The following CCDC57 variants were observed in gnomAD, a reference collection of about 807,000 sequenced individuals.
CCDC57 encodes the protein coiled-coil domain containing 57, also known as coiled-coil domain-containing protein 57.
In CCDC57, 118 loss-of-function variants were observed where a neutral mutation model predicts 118.9. The ratio of observed to expected loss-of-function variants is 0.99; its 90% CI spans 0.86 to 1.16. CCDC57 has a LOEUF of 1.16. Among genes scored for constraint, CCDC57 ranks in the 50% most tolerant of loss-of-function variants. The pLI, the probability that CCDC57 is intolerant of heterozygous loss-of-function variation, is 0.00. For synonymous variants in CCDC57, 527 were observed against 532.9 expected (o/e 0.99, Z 0.15); for missense variants, 1,300 against 1,320.7 (o/e 0.98, Z 0.24).
intron 9 of CCDC57, among the ~76,000 whole-genome samples, chr17:82,181,520 A>C (rs566319303): frequency 1.3e-5 from 2 of 152,252 alleles, no homozygotes; most frequent in Non-Finnish European, 2.9e-5. Flanking sequence ...GCTCGCCAAC[A>C]TCATATTCAC....
rs759711817 is a variant in CCDC57, at chr17:82,184,027, G to GCACACACA, written c.1053-96_1053-95insTGTGTGTG. 1,890 of 327,176 alleles carry GCACACACA rather than the reference G, an allele frequency of 5.8e-3. 12 individuals are homozygous for GCACACACA. Among genetic ancestry groups the GCACACACA allele is most frequent in the East Asian group, 0.012 (167 of 14,498 alleles). 20.3% of individuals were successfully genotyped at this position (327,176 alleles called of 1,614,324 possible). A position where few individuals can be genotyped will look rare whatever the true frequency, so the allele number is the denominator to read the frequency against. ...CCAGCAAATACACATGCGCGCGCGC[G>GCACACACA]CGCGCACACACACACACACACACAC... On this transcript the variant is annotated intron_variant, in intron 8 of 19. Transcript: ENST00000665763.
chr17:82,171,201 C>G (rs1247111433), intron 13 of CCDC57, among the ~76,000 whole-genome samples: 30 of 133,028 alleles, frequency 2.3e-4, no homozygotes, highest in African/African-American at 8.4e-4. Context: ...AAACAGGGAG[C>G]GCTGACTGCA....
intron 16 of CCDC57, among the ~76,000 whole-genome samples, chr17:82,136,538 T>C (rs2145459390): frequency 6.7e-6 from 1 of 149,144 alleles, no homozygotes; most frequent in African/African-American, 2.5e-5. Context: ...ATACTTTGTA[T>C]ACTTCATGAG....
intron 11 of CCDC57, among the ~76,000 whole-genome samples, chr17:82,177,955 C>T: frequency 6.6e-6 from 1 of 152,240 alleles, no homozygotes; most frequent in Non-Finnish European, 1.5e-5. Context: ...TTCCCTCTGC[C>T]TGTGGACCCA....
At chr17:82,127,009 C>T in intron 19 of CCDC57, 2 of 985,392 alleles carry the variant, frequency 2.0e-6, no homozygotes, top group Non-Finnish European at 2.4e-6. Flanking sequence ...TTTCCCTCCC[C>T]CCTTCTCGCT....
intron 1 of CCDC57, among the ~76,000 whole-genome samples, chr17:82,208,254 C>A (rs1256570086): frequency 4.0e-5 from 6 of 151,616 alleles, no homozygotes; most frequent in Admixed American, 6.6e-5. Context: ...ATATTTAATA[C>A]CCTTAACTTA....
At chr17:82,134,113 C>A in exon 17 of CCDC57, 1 of 1,420,040 alleles carries the variant, frequency 7.0e-7, no homozygotes. Context: ...CAAAGGTGGG[C>A]TGCGATCCAA....
Position 82,129,445 on chromosome 17 carries a change from G to A in CCDC57, c.2578-848C>T, listed in dbSNP as rs1009209324. ...ATGGCCTGCAAGGAGGCTGTGGAAC[G>A]AGCCCAGCCCTGCCCCTTCCCAGGC... is the stretch of plus-strand genomic sequence containing the variant. On this transcript the variant is annotated intron_variant, in intron 17 of 19. Transcript: ENST00000665763. 3.9e-5 allele frequency among the ~76,000 whole-genome samples: 6 copies of A among 152,208 alleles called. No individual in the cohort carries two copies. In the East Asian group the frequency reaches 7.7e-4, roughly 20 times the overall value.
At chr17:82,188,946 C>A (rs1188368768) in intron 7 of CCDC57, among the ~76,000 whole-genome samples, 2 of 152,178 alleles carry the variant, frequency 1.3e-5, no homozygotes, top group East Asian at 3.8e-4. Flanking sequence ...CACCACTTTG[C>A]CTGGCAAAAA....
Position 82,143,215 on chromosome 17 carries a change from C to G in CCDC57, c.2455+8345G>C, listed in dbSNP as rs900113596. Among the ~76,000 whole-genome samples the G allele has an allele frequency of 4.6e-5, 7 of 151,564 alleles. No individual in the cohort carries two copies. In the East Asian group the frequency reaches 1.3e-3, roughly 29 times the overall value. On this transcript the variant is annotated intron_variant, in intron 16 of 19. Coordinates refer to ENST00000665763, the Ensembl canonical transcript of CCDC57. ...TGATTACACTGACAGTACTATCCCT[C>G]AAAACCTCTGGGGCTTGGCCAAAGT...
At chr17:82,151,619 T>A in exon 16 of CCDC57, 1 of 1,550,372 alleles carries the variant, frequency 6.5e-7, no homozygotes. Flanking sequence ...CTGCTCTTTC[T>A]CCAGGCGGAG....
At chr17:82,120,206 G>A (rs1286051984) in intron 19 of CCDC57, among the ~76,000 whole-genome samples, 1 of 151,552 alleles carries the variant, frequency 6.6e-6, no homozygotes, top group Non-Finnish European at 1.5e-5. Context: ...GCCCAGGCTG[G>A]TCTTGAACTC....
chr17:82,109,590 G>T (rs912836064), intron 19 of CCDC57, among the ~76,000 whole-genome samples: 2 of 152,156 alleles, frequency 1.3e-5, no homozygotes, highest in African/African-American at 4.8e-5. Flanking sequence ...AGGCGCGGTG[G>T]CTCACACCTG....
chr17:82,148,337 A>G (rs1368693932), intron 16 of CCDC57, among the ~76,000 whole-genome samples: 3 of 39,364 alleles, frequency 7.6e-5, no homozygotes, highest in Non-Finnish European at 8.7e-5. Flanking sequence ...GGATGGATGG[A>G]TGGATGGATA....
At chr17:82,151,161 G>A (rs1172226924) in intron 16 of CCDC57, among the ~76,000 whole-genome samples, 3 of 53,542 alleles carry the variant, frequency 5.6e-5, no homozygotes, top group Admixed American at 2.6e-4. Flanking sequence ...CTAGAACCAG[G>A]CGCACACCCA....
chr17:82,202,235 G>C (rs1418186379), intron 2 of CCDC57, among the ~76,000 whole-genome samples: 1 of 152,106 alleles, frequency 6.6e-6, no homozygotes, highest in East Asian at 1.9e-4. Flanking sequence ...GGGAGGCCCA[G>C]GTGGATGGAT....
intron 19 of CCDC57, chr17:82,126,643 G>A (rs1263154017): frequency 2.0e-6 from 2 of 985,278 alleles, no homozygotes; most frequent in African/African-American, 3.5e-5. Flanking sequence ...CACTGCTGCT[G>A]GGAGCAGCCT....
intron 16 of CCDC57, among the ~76,000 whole-genome samples, chr17:82,142,478 A>C (rs1328142337): frequency 6.6e-6 from 1 of 151,964 alleles, no homozygotes; most frequent in African/African-American, 2.4e-5. Flanking sequence ...AAGCCCGGCT[A>C]ATTTTTATAT....
Position 82,172,771 on chromosome 17 carries a change from T to C in CCDC57, c.1596A>G (p.Arg532=). 6.2e-7 allele frequency: 1 copy of C among 1,613,084 alleles called. No homozygotes were observed. The highest frequency in any genetic ancestry group is 1.7e-4 in the Middle Eastern group (1 of 6,004). Residue 532 remains arginine (R), a synonymous_variant, in exon 12 of 20, where the codon CGA becomes CGG. Coordinates refer to ENST00000665763, the Ensembl canonical transcript of CCDC57. This position sits in a 1 kb window ranked among gnomAD's most constrained non-coding sequence, Gnocchi z 5.2. ...CTTTCCTCATCTGGGCAATCGCGTT[T>C]CGCAAGCTCGTGTTCTGCTCTCGGA...
Sources: gnomAD v4.1 joint callset for allele counts (sites outside exome capture counted in the v4.1 genomes callset) on GRCh38, gnomAD v4.1.1 for gene constraint, Gnocchi (gnomAD v3.1) non-coding constraint, MANE v1.5 for transcripts, NCBI Gene and HGNC (gene_info 2026-07-23, HGNC 2026-07-21) for gene names.